TENM4: variants seen among roughly 807,000 people sequenced by gnomAD.
TENM4 encodes the protein teneurin transmembrane protein 4.
In TENM4, 82 loss-of-function variants were observed where a neutral mutation model predicts 243.3. The ratio of observed to expected loss-of-function variants is 0.34; its 90% CI spans 0.28 to 0.40. TENM4 has a LOEUF of 0.40. Among genes scored for constraint, TENM4 ranks in the 10% least tolerant of loss-of-function variants. The pLI, the probability that TENM4 is intolerant of heterozygous loss-of-function variation, is 1.00. For missense variants in TENM4, 3,138 were observed against 3,673.3 expected, an observed-to-expected ratio of 0.85 and a Z score of 3.77; for synonymous variants, 1,412 against 1,456.3, an observed-to-expected ratio of 0.97 and a Z score of 0.69.
At chr11:79,343,547 G>C (rs549141775) in intron 1 of TENM4, among the ~76,000 whole-genome samples, 1 of 152,224 alleles carries the variant, frequency 6.6e-6, no homozygotes, top group East Asian at 1.9e-4. Context: ...GCAGATAGTA[G>C]AGTGTTGGGA....
intron 15 of TENM4, among the ~76,000 whole-genome samples, chr11:78,788,054 C>T (rs1856976690): frequency 6.6e-6 from 1 of 152,242 alleles, no homozygotes; most frequent in Non-Finnish European, 1.5e-5. Flanking sequence ...GCCCCACATG[C>T]TTCAAATTCA....
At chr11:79,161,179 C>T (rs1370278779) in intron 3 of TENM4, among the ~76,000 whole-genome samples, 3 of 152,202 alleles carry the variant, frequency 2.0e-5, no homozygotes, top group Non-Finnish European at 4.4e-5. Context: ...TATGCTTTGG[C>T]CACCACTGTT....
Position 78,939,341 on chromosome 11 carries a change from A to G in TENM4, c.494-35818T>C, listed in dbSNP as rs141950346. 4.6e-5 allele frequency among the ~76,000 whole-genome samples: 7 copies of G among 152,326 alleles called. No individual in the cohort carries two copies. The East Asian group carries it at 9.6e-4, about 21-fold the overall frequency. On this transcript the variant is annotated intron_variant, in intron 6 of 33. Coordinates refer to ENST00000278550, the MANE Select transcript of TENM4 (RefSeq NM_001098816.3). ...CTGCTGCCTAATATAATCACGCTCA[A>G]ACTTTACAGCGTGATCTTCTATGCC...
In TENM4 at chr11:78,726,131, G is replaced by C; in HGVS notation, c.3498C>G (p.Ser1166=). 6.2e-7 allele frequency: 1 copy of C among 1,614,002 alleles called. No individual in the cohort carries two copies. Among genetic ancestry groups the C allele is most frequent in the African/African-American group, 1.3e-5 (1 of 75,042 alleles). ...TVLQGYEIDA[S]KLGGWSLDKH... Reference sequence around the variant, plus strand: ...TGTCTAGGCTCCATCCTCCAAGCTTGGACGCGTCAATTTCATAGCCCTGCA... The same window carrying C: ...TGTCTAGGCTCCATCCTCCAAGCTTCGACGCGTCAATTTCATAGCCCTGCA... Residue 1166 remains serine (S), a synonymous_variant, in exon 23 of 34, where the codon TCC becomes TCG. Coordinates refer to ENST00000278550, the MANE Select transcript of TENM4 (RefSeq NM_001098816.3).
chr11:79,157,957 C>T (rs1862657956), intron 3 of TENM4, among the ~76,000 whole-genome samples: 1 of 152,182 alleles, frequency 6.6e-6, no homozygotes, highest in Non-Finnish European at 1.5e-5. Flanking sequence ...GTTCTAACCT[C>T]TGGTGAGAGG....
chr11:79,092,546 C>T (rs1026073511), intron 4 of TENM4, among the ~76,000 whole-genome samples: 1 of 152,164 alleles, frequency 6.6e-6, no homozygotes, highest in African/African-American at 2.4e-5. Context: ...GCAGAGTGTG[C>T]ACAATTGGTA....
chr11:79,065,565 A>T (rs925295128), intron 5 of TENM4, among the ~76,000 whole-genome samples: 1 of 152,202 alleles, frequency 6.6e-6, no homozygotes, highest in Non-Finnish European at 1.5e-5. Flanking sequence ...AGTCGATGAG[A>T]TCTAAATGTC....
chr11:79,106,332 A>G (rs1861368023), intron 4 of TENM4, among the ~76,000 whole-genome samples: 1 of 152,204 alleles, frequency 6.6e-6, no homozygotes, highest in Non-Finnish European at 1.5e-5. Flanking sequence ...CTCTGGGAGG[A>G]AGCCCAGCCT....
chr11:78,849,746 T>C (rs1858487267), intron 12 of TENM4, among the ~76,000 whole-genome samples: 1 of 152,216 alleles, frequency 6.6e-6, no homozygotes, highest in Non-Finnish European at 1.5e-5. Context: ...TTAACAACCC[T>C]GAACCTTAAT....
intron 33 of TENM4, among the ~76,000 whole-genome samples, chr11:78,659,588 A>G (rs1857981683): frequency 6.6e-6 from 1 of 152,214 alleles, no homozygotes; most frequent in Non-Finnish European, 1.5e-5. Context: ...CAAGAAATGC[A>G]TTCTTGGCAG....
At chr11:78,966,570 G>T (rs190103838) in intron 6 of TENM4, among the ~76,000 whole-genome samples, 7 of 152,148 alleles carry the variant, frequency 4.6e-5, no homozygotes, top group African/African-American at 1.7e-4. Context: ...GCAGGGCAGA[G>T]GTAGGACCTG....
intron 9 of TENM4, among the ~76,000 whole-genome samples, chr11:78,864,433 C>CAAAAAAAAAAA (rs145489804): frequency 5.5e-5 from 2 of 36,204 alleles, no homozygotes; most frequent in African/African-American, 1.3e-4. Context: ...GACTCCGTCT[C>CAAAAAAAAAAA]AAAAAAAAAA....
chr11:78,931,856 G>A (rs1565131715), intron 6 of TENM4, among the ~76,000 whole-genome samples: 3 of 152,110 alleles, frequency 2.0e-5, no homozygotes, highest in East Asian at 1.9e-4. Flanking sequence ...AACCAGCTGC[G>A]GTGGTACATG....
chr11:79,110,109 G>C (rs575285985), intron 4 of TENM4, among the ~76,000 whole-genome samples: 1 of 152,194 alleles, frequency 6.6e-6, no homozygotes, highest in East Asian at 1.9e-4. Context: ...CCTTTTCGTA[G>C]AAACAATACC....
intron 6 of TENM4, among the ~76,000 whole-genome samples, chr11:79,025,076 G>A (rs767955023): frequency 6.6e-6 from 1 of 152,186 alleles, no homozygotes; most frequent in Non-Finnish European, 1.5e-5. Flanking sequence ...GGATGCCAGG[G>A]GAGGAAGGAA....
intron 2 of TENM4, among the ~76,000 whole-genome samples, chr11:79,231,664 G>A (rs913236855): frequency 6.6e-6 from 1 of 152,206 alleles, no homozygotes; most frequent in African/African-American, 2.4e-5. Flanking sequence ...CAGAGCAGTT[G>A]TGGCAATTTG....
rs1370902611 is a variant in TENM4 at position 78,855,948 on chromosome 11, G to A, written c.1470+16C>T. 3 of 1,550,326 alleles carry A rather than the reference G, an allele frequency of 1.9e-6. No individual in the cohort carries two copies. Among genetic ancestry groups the A allele is most frequent in the East Asian group, 2.4e-5 (1 of 40,920 alleles). ...GAGCCCATGCAGATCAACAGGGTAT[G>A]TGGGGTTCTGGTTACCTGTGTATGT... On this transcript the variant is annotated intron_variant, in intron 11 of 33. Transcript: ENST00000278550.
chr11:79,017,739 G>A (rs1008898920), intron 6 of TENM4, among the ~76,000 whole-genome samples: 2 of 152,150 alleles, frequency 1.3e-5, no homozygotes, highest in Non-Finnish European at 2.9e-5. Context: ...AGGCAGGAAG[G>A]AAAGTACATT....
At chr11:79,388,609 C>A (rs941304849) in intron 1 of TENM4, among the ~76,000 whole-genome samples, 1 of 152,170 alleles carries the variant, frequency 6.6e-6, no homozygotes, top group African/African-American at 2.4e-5. Flanking sequence ...TCCTCCCAGG[C>A]TACTTAGTTT....
Sources: allele counts gnomAD v4.1 joint callset (sites outside exome capture counted in the v4.1 genomes callset), GRCh38; gene constraint gnomAD v4.1.1; transcripts MANE v1.5; gene names NCBI Gene and HGNC (gene_info 2026-07-23, HGNC 2026-07-21).